Variants in FHIP2B observed in about 807,000 individuals in gnomAD.
FHIP2B encodes FHF complex subunit HOOK interacting protein 2B.
A neutral mutation model predicts 84.0 loss-of-function variants in FHIP2B; 72 were observed. The ratio of observed to expected loss-of-function variants is 0.86; its 90% CI spans 0.71 to 1.04. The LOEUF (loss-of-function observed/expected upper bound fraction) is 1.04. Among genes scored for constraint, FHIP2B ranks in the 50% least tolerant of loss-of-function variants. The pLI is 0.00. For missense variants in FHIP2B, 972 were observed against 968.9 expected (o/e 1.00, Z -0.04); for synonymous variants, 497 against 418.7 (o/e 1.19, Z -2.28).
rs1825763128 is a variant in FHIP2B, at chr8:22,096,318, G to A, written c.125-19G>A. The A allele has an allele frequency of 3.3e-6, 5 of 1,534,926 alleles. No homozygotes were observed. Among genetic ancestry groups the A allele is most frequent in the Non-Finnish European group, 4.4e-6 (5 of 1,136,906 alleles). ...GCCCCTCTTTACCCTACTCACCCTT[G>A]TTTCCCAAACATCATTAGATGAAAG... On this transcript the variant is annotated intron_variant, in intron 2 of 16. Transcript: ENST00000289921.
Position 22,098,173 on chromosome 8 carries a change from G to T in FHIP2B, c.631G>T (p.Ala211Ser), listed in dbSNP as rs1825890847. 6.3e-7 allele frequency: 1 copy of T among 1,575,410 alleles called. No homozygotes were observed. Among genetic ancestry groups the T allele is most frequent in the Non-Finnish European group, 8.6e-7 (1 of 1,161,128 alleles). Residue 211 changes from alanine (A) to serine (S), a missense_variant, in exon 6 of 17, where the codon GCC becomes TCC. Transcript: ENST00000289921. ...GGACTGCTCCCACGATGGTGCTCCT[G>T]CCAGGCCCCAGCTGGACGGGGAGTC... ...DKDCSHDGAP[A>S]RPQLDGESCG... is the part of the protein sequence containing the mutation.
chr8:22,095,999 C>G (rs1825745856), intron 2 of FHIP2B: 1 of 192,664 alleles, frequency 5.2e-6, no homozygotes, highest in Non-Finnish European at 1.1e-5. Context: ...CCACTCAGGC[C>G]CAGAGCTGAC....
At chr8:22,089,823 G>T (rs1825377954) in intron 1 of FHIP2B, 1 of 1,285,756 alleles carries the variant, frequency 7.8e-7, no homozygotes, top group African/African-American at 1.5e-5. Context: ...CGTGGGAAGT[G>T]CAGGCCCTGC....
intron 2 of FHIP2B, chr8:22,094,995 C>G (rs550467079): frequency 1.5e-6 from 1 of 686,204 alleles, no homozygotes; most frequent in East Asian, 1.3e-4. Flanking sequence ...ATGCCTGGGT[C>G]CCTCTCTCCA....
Position 22,099,394 on chromosome 8 carries a change from T to A in FHIP2B, c.1151+34T>A, listed in dbSNP as rs369641176. On this transcript the variant is annotated intron_variant, in intron 9 of 16. Coordinates refer to ENST00000289921, the MANE Select transcript of FHIP2B (RefSeq NM_022749.7). ...CTAGTTCCCTCAGGCATGACTGTGG[T>A]CTACAGTAAACCACCTACCCCACCC... 9.3e-6 allele frequency: 15 copies of A among 1,605,866 alleles called. No homozygotes were observed. In the African/African-American group the frequency reaches 1.9e-4, roughly 20 times the overall value.
At chr8:22,102,086 G>A (rs1292079428) in intron 14 of FHIP2B, 89 bp from the exon 15 acceptor site, 12 of 1,604,714 alleles carry the variant, frequency 7.5e-6, no homozygotes, top group African/African-American at 2.7e-5. Context: ...CCCCACACAC[G>A]TTCACAGTGG....
intron 2 of FHIP2B, chr8:22,095,498 CT>C (rs11317333): frequency 0.74 from 112,491 of 152,178 alleles, 41,809 homozygotes; most frequent in East Asian, 0.98. Context: ...GGTTCTGAAC[CT>C]ATCTCTTCAG....
At chr8:22,092,252 A>G (rs1047260552) in intron 1 of FHIP2B, among the ~76,000 whole-genome samples, 1 of 152,184 alleles carries the variant, frequency 6.6e-6, no homozygotes, top group African/African-American at 2.4e-5. Flanking sequence ...TCCCAAGGCC[A>G]ACTGCCAGAT....
intron 1 of FHIP2B, 37 bp downstream of exon 1, chr8:22,089,335 C>A: frequency 1.0e-6 from 1 of 989,372 alleles, no homozygotes; most frequent in Non-Finnish European, 1.2e-6. Context: ...CGCCGGGAGT[C>A]GCGGGCCTAG....
At position 22,089,249 on chromosome 8, in the gene FHIP2B, C is replaced by A. The variant is rs1274894929; in HGVS notation, c.-5C>A. The stretch of plus-strand genomic sequence containing the variant: ...TCGCCCGGGAGCCGGGGGCCGGGCG[C>A]CATCATGCTGAGCCGGCTCGGGGCG... On this transcript the variant is annotated 5_prime_UTR_variant, in exon 1 of 17. Transcript: ENST00000289921. The A allele has an allele frequency of 9.4e-7, 1 of 1,060,456 alleles. No individual in the cohort carries two copies. Among genetic ancestry groups the A allele is most frequent in the Non-Finnish European group, 1.1e-6 (1 of 879,766 alleles). The allele number at this position is 1,060,456 out of a possible 1,614,324, so 65.7% of individuals were successfully genotyped here. A position where few individuals can be genotyped will look rare whatever the true frequency, so the allele number is the denominator to read the frequency against.
At chr8:22,089,901 C>T in intron 1 of FHIP2B, 1 of 1,207,436 alleles carries the variant, frequency 8.3e-7, no homozygotes, top group Non-Finnish European at 1.1e-6. Context: ...GGGAAATCGC[C>T]TTCTATTGGG....
chr8:22,096,404 G>A lies in FHIP2B; in HGVS notation c.192G>A (p.Val64=), dbSNP rs1215891607. The change falls in exon 3 of 17, where the codon GTG becomes GTA. Residue 64 remains valine, a synonymous_variant. Coordinates refer to ENST00000289921, the MANE Select transcript of FHIP2B (RefSeq NM_022749.7). ...WRLKQMLDIL[V]YEEQQQAAAG... ...TGAAGCAGATGCTGGATATCCTGGT[G>A]TATGAAGAGCAGCAGCAGGCGGCCG... 1.3e-6 allele frequency: 2 copies of A among 1,558,412 alleles called. No homozygotes were observed. The highest frequency in any genetic ancestry group is 2.4e-5 in the East Asian group (1 of 41,542).
rs906004932 is a variant in FHIP2B, at chr8:22,102,854, G to C, written c.2155G>C (p.Ala719Pro). 1 of 1,613,740 alleles carries C rather than the reference G, an allele frequency of 6.2e-7. No homozygotes were observed. The highest frequency in any genetic ancestry group is 8.5e-7 in the Non-Finnish European group (1 of 1,179,836). Residue 719 changes from alanine (A) to proline (P), a missense_variant, in exon 17 of 17, where the codon GCT becomes CCT. Physicochemically the swap from Ala to Pro is conservative, Grantham distance 27. Transcript: ENST00000289921. ...VVLEEFCKEL[A>P]AIAFVKFPPH... ...GCTGGAGGAGTTCTGCAAGGAGCTG[G>C]CTGCCATTGCCTTCGTCAAGTTTCC... is the stretch of plus-strand genomic sequence containing the variant.
At chr8:22,102,099 A>G (rs1231080152) in intron 14 of FHIP2B, 76 bp from the exon 15 acceptor site, 2 of 1,609,614 alleles carry the variant, frequency 1.2e-6, no homozygotes, top group Middle Eastern at 1.7e-4. Flanking sequence ...CACAGTGGCC[A>G]GGCACCTTGC....
In FHIP2B at chr8:22,099,278, A is replaced by G; in HGVS notation, c.1075-6A>G. The G allele has an allele frequency of 3.7e-6, 6 of 1,613,572 alleles. No individual in the cohort carries two copies. Among genetic ancestry groups the G allele is most frequent in the Non-Finnish European group, 2.5e-6 (3 of 1,179,798 alleles). ...GCAAAACACATTGGCGCTCTCTGGC[A>G]CCCAGGTGGTTGCGGACGCCTTGGC... is the stretch of plus-strand genomic sequence containing the variant. On this transcript the variant is annotated splice_polypyrimidine_tract_variant and splice_region_variant and intron_variant, in intron 8 of 16. Transcript: ENST00000289921.
chr8:22,101,775 A>T lies in FHIP2B; in HGVS notation c.1775A>T (p.His592Leu). ...CTGACCCCCACACCTTTGGACCCCC[A>T]TGAGCCCGAGCGACCTTTCTTCGAG... ...WPLTPTPLDP[H>L]EPERPFFEGH... Residue 592 changes from histidine to leucine, a missense_variant, in exon 14 of 17, where the codon CAT (histidine) becomes CTT (leucine). Physicochemically the swap from His to Leu is moderately conservative, Grantham distance 99. Transcript: ENST00000289921. The T allele has an allele frequency of 6.2e-7, 1 of 1,613,322 alleles. No homozygotes were observed. The highest frequency in any genetic ancestry group is 8.5e-7 in the Non-Finnish European group (1 of 1,179,762).
In FHIP2B at chr8:22,098,559, G is replaced by C. The variant is rs536224294; in HGVS notation, c.905G>C (p.Arg302Pro). ...GTCCGGCACCTTTGCCAGTTGTACC[G>C]GTCCATGCCTGTCTTCCTGGACCCC... ...AIVRHLCQLYRSMPVFLDPAD... is the reference protein window; with the variant it reads ...AIVRHLCQLYPSMPVFLDPAD... Residue 302 changes from arginine to proline, a missense_variant, in exon 7 of 17, where the codon CGG becomes CCG. Transcript: ENST00000289921. 3 of 1,610,086 alleles carry C rather than the reference G, an allele frequency of 1.9e-6. No homozygotes were observed. Among genetic ancestry groups the C allele is most frequent in the East Asian group, 2.2e-5 (1 of 44,702 alleles).
At chr8:22,101,675 G>A (rs1487238537) in intron 13 of FHIP2B, 33 bp from the exon 14 acceptor site, 5 of 1,586,724 alleles carry the variant, frequency 3.2e-6, no homozygotes, top group Non-Finnish European at 4.3e-6. Flanking sequence ...CCAGTCCCCA[G>A]GCCCACTGCC....
chr8:22,103,053 A>C lies in FHIP2B; in HGVS notation c.*122A>C. Reference sequence around the variant, plus strand: ...CTTCTGCTCCCGGGCTCACTCAAGGAGACTGCGGCATGTTGACCACACCAG... The same window carrying C: ...CTTCTGCTCCCGGGCTCACTCAAGGCGACTGCGGCATGTTGACCACACCAG... On this transcript the variant is annotated 3_prime_UTR_variant, in exon 17 of 17. Coordinates refer to ENST00000289921, the MANE Select transcript of FHIP2B (RefSeq NM_022749.7). The C allele has an allele frequency of 7.8e-7, 1 of 1,285,356 alleles. No homozygotes were observed. Among genetic ancestry groups the C allele is most frequent in the Non-Finnish European group, 1.1e-6 (1 of 951,066 alleles). The allele number at this position is 1,285,356 out of a possible 1,614,324, so 79.6% of individuals were successfully genotyped here.
Sources: gnomAD v4.1 joint callset for allele counts (sites outside exome capture counted in the v4.1 genomes callset) on GRCh38, gnomAD v4.1.1 for gene constraint, MANE v1.5 for transcripts, NCBI Gene and HGNC (gene_info 2026-07-23, HGNC 2026-07-21) for gene names.